MYH4: variants seen among roughly 807,000 people sequenced by gnomAD.
The protein encoded by MYH4 is myosin-4.
MYH4 carries 200 observed loss-of-function variants against 229.9 expected under a neutral mutation model. The observed-to-expected ratio is 0.87, with a 90% CI of 0.78 to 0.98. MYH4 has a LOEUF of 0.98. MYH4 is among the 50% of genes least tolerant of loss of function. MYH4 has a pLI of 0.00. For missense variants in MYH4, 2,148 were observed against 2,332.6 expected (o/e 0.92, Z 1.63); for synonymous variants, 761 against 834.6 (o/e 0.91, Z 1.52).
chr17:10,451,201 AGG>A, intron 28 of MYH4, 123 bp downstream of exon 28: 1 of 1,229,848 alleles, frequency 8.1e-7, no homozygotes, highest in Non-Finnish European at 1.1e-6. Context: ...AAAAAGATGG[AGG>A]AATAAGTAAG....
intron 27 of MYH4, 26 bp downstream of exon 27, chr17:10,451,915 T>A (rs2072577618): frequency 6.4e-7 from 1 of 1,560,842 alleles, no homozygotes; most frequent in Non-Finnish European, 8.6e-7. Context: ...CAAATAAAGA[T>A]GAAAAGGGCA....
intron 11 of MYH4, among the ~76,000 whole-genome samples, chr17:10,462,633 C>T (rs1325375912): frequency 1.3e-5 from 2 of 152,144 alleles, no homozygotes; most frequent in Non-Finnish European, 2.9e-5. Flanking sequence ...AAGGAGCCTA[C>T]TAGCTAAGGA....
At position 10,463,554 on chromosome 17, in the gene MYH4, G is replaced by A; in HGVS notation, c.738C>T (p.Arg246=). 3 of 1,611,146 alleles carry A rather than the reference G, an allele frequency of 1.9e-6. No individual in the cohort carries two copies. The highest frequency in any genetic ancestry group is 2.5e-6 in the Non-Finnish European group (3 of 1,177,288). Residue 246 remains arginine, a synonymous_variant, in exon 8 of 40, where the codon CGC becomes CGT. Transcript: ENST00000255381. ...AAATGAAGATCAAGAGACTTACAAA[G>A]CGAGAGGAGTTGTCATTCCTCACGG... ...AKTVRNDNSS[R]FGKFIRIHFG...
At chr17:10,466,892 G>T in intron 2 of MYH4, 108 bp from the exon 3 acceptor site, 2 of 965,172 alleles carry the variant, frequency 2.1e-6, no homozygotes, top group Non-Finnish European at 3.1e-6. Flanking sequence ...CCTCACCCCT[G>T]CCTTTAGGGA....
Position 10,460,314 on chromosome 17 carries a change from G to C in MYH4, c.1155C>G (p.Asp385Glu). Reference protein sequence around the residue: ...QAEPDGTEVADKAAYLTSLNS... With the variant: ...QAEPDGTEVAEKAAYLTSLNS... Reference sequence around the variant, plus strand: ...TCAGACTTGTCAGATAAGCAGCTTTGTCAGCAACTGTGTGAACAAGGTGAG... The same window carrying C: ...TCAGACTTGTCAGATAAGCAGCTTTCTCAGCAACTGTGTGAACAAGGTGAG... Residue 385 changes from aspartate (D) to glutamate (E), a missense_variant, in exon 13 of 40, where the codon GAC (aspartate) becomes GAG (glutamate). By Grantham distance (45) the Asp-to-Glu change is conservative (BLOSUM62 2). Transcript: ENST00000255381. 1 of 1,601,132 alleles carries C rather than the reference G, an allele frequency of 6.2e-7. No homozygotes were observed. Among genetic ancestry groups the C allele is most frequent in the Non-Finnish European group, 8.6e-7 (1 of 1,169,416 alleles).
At chr17:10,467,617 T>C (rs551620097) in intron 2 of MYH4, among the ~76,000 whole-genome samples, 2 of 152,276 alleles carry the variant, frequency 1.3e-5, no homozygotes, top group South Asian at 4.1e-4. Flanking sequence ...TTGTTTTTAG[T>C]TGGATTTCAA....
chr17:10,464,591 C>A lies in MYH4; in HGVS notation c.534-5G>T, dbSNP rs1256720800. ...TTCCCTGCACCAGATTCTCCACTATCAAGTTCAAACAGAAGAAAAGGTCAG... is the reference window on the plus strand; with the variant it reads ...TTCCCTGCACCAGATTCTCCACTATAAAGTTCAAACAGAAGAAAAGGTCAG... On this transcript the variant is annotated splice_polypyrimidine_tract_variant and splice_region_variant and intron_variant, in intron 6 of 39. Transcript: ENST00000255381. The A allele has an allele frequency of 8.7e-6, 14 of 1,614,040 alleles. No individual in the cohort carries two copies. The highest frequency in any genetic ancestry group is 1.0e-5 in the Non-Finnish European group (12 of 1,179,984).
intron 16 of MYH4, 89 bp downstream of exon 16, chr17:10,457,331 C>G (rs2072651583): frequency 7.0e-7 from 1 of 1,427,288 alleles, no homozygotes. Flanking sequence ...GTTTTTGTGT[C>G]AGGTTTTGCT....
intron 33 of MYH4, 57 bp downstream of exon 33, chr17:10,448,339 G>T: frequency 6.5e-7 from 1 of 1,549,648 alleles, no homozygotes; most frequent in Non-Finnish European, 8.7e-7. Context: ...AGAGATCTCA[G>T]TTGCTATTAA....
intron 12 of MYH4, 65 bp downstream of exon 12, chr17:10,460,851 C>A: frequency 1.3e-6 from 2 of 1,577,876 alleles, no homozygotes; most frequent in Non-Finnish European, 1.7e-6. Flanking sequence ...AAAACACGGT[C>A]CCTGCCTCTG....
intron 34 of MYH4, 103 bp from the exon 35 acceptor site, chr17:10,447,319 A>G: frequency 1.0e-6 from 1 of 971,658 alleles, no homozygotes; most frequent in Non-Finnish European, 1.5e-6. Context: ...GAGTATGATT[A>G]GATAGGAGCA....
intron 13 of MYH4, 32 bp downstream of exon 13, chr17:10,460,171 C>T (rs866542219): frequency 6.2e-7 from 1 of 1,613,178 alleles, no homozygotes; most frequent in Middle Eastern, 1.7e-4. Flanking sequence ...ACTTGCGGTT[C>T]AAATAAATCA....
chr17:10,451,526 C>G, intron 27 of MYH4, 74 bp from the exon 28 acceptor site: 3 of 1,496,020 alleles, frequency 2.0e-6, no homozygotes, highest in Non-Finnish European at 2.7e-6. Flanking sequence ...AGATCTGTAA[C>G]TACCTGTGGA....
intron 2 of MYH4, among the ~76,000 whole-genome samples, chr17:10,468,736 G>A (rs184815533): frequency 6.0e-4 from 91 of 152,276 alleles, no homozygotes; most frequent in African/African-American, 1.7e-3. Flanking sequence ...CAGCCTCCTC[G>A]TTTACTGATG....
rs771480181 is a variant in MYH4, at chr17:10,453,726, A to T, written c.2851T>A (p.Cys951Ser). The T allele has an allele frequency of 7.7e-5, 125 of 1,613,936 alleles. No homozygotes were observed. Among genetic ancestry groups the T allele is most frequent in the Middle Eastern group, 6.6e-4 (4 of 6,084 alleles). ...TAKKRKLEDE[C>S]SELKKDIDDL... ...TCAATGTCTTTCTTGAGCTCTGAAC[A>T]TTCATCCTCCAGTTTCCTCTTCTTG... Residue 951 changes from cysteine to serine, a missense_variant, in exon 23 of 40, where the codon TGT (cysteine) becomes AGT (serine). Physicochemically the swap from Cys to Ser is moderately radical, Grantham distance 112. Transcript: ENST00000255381.
At position 10,453,206 on chromosome 17, in the gene MYH4, GTCC is replaced by G. The variant is rs1567701233; in HGVS notation, c.3054_3056del (p.Glu1018del). On this transcript the variant is annotated inframe_deletion, in exon 24 of 40. Transcript: ENST00000255381. ...TAGCTTTGGTCAGGGTGTTGACTTT[GTCC>G]TCCTCCATCTGCAGGTCATCCAGGG... is the stretch of plus-strand genomic sequence containing the variant. 5 of 1,613,992 alleles carry G rather than the reference GTCC, an allele frequency of 3.1e-6. No individual in the cohort carries two copies. Among genetic ancestry groups the G allele is most frequent in the African/African-American group, 1.3e-5 (1 of 74,970 alleles).
In MYH4 at chr17:10,443,544, A is replaced by G. The variant is rs773799643; in HGVS notation, c.5668-17T>C. 3.8e-6 allele frequency: 6 copies of G among 1,595,532 alleles called. No homozygotes were observed. In the African/African-American group the frequency reaches 4.0e-5, roughly 11 times the overall value. On this transcript the variant is annotated splice_polypyrimidine_tract_variant and intron_variant, in intron 39 of 39. Coordinates refer to ENST00000255381, the MANE Select transcript of MYH4 (RefSeq NM_017533.2). The surrounding 1 kb of genome is among the most constrained non-coding windows in gnomAD (Gnocchi z 4.6). ...TTGTTCCTCCTGAGAACAGAGATGC[A>G]TTTGAGATAACAAGAAAATTGGACA... is the stretch of plus-strand genomic sequence containing the variant.
intron 39 of MYH4, among the ~76,000 whole-genome samples, chr17:10,444,319 G>A (rs2072487069): frequency 1.3e-5 from 2 of 152,290 alleles, no homozygotes; most frequent in Non-Finnish European, 2.9e-5. Context: ...TATGAGTGCT[G>A]GGGGTTGTAG....
At chr17:10,451,500 A>G (rs768950489) in intron 27 of MYH4, 48 bp from the exon 28 acceptor site, 7 of 1,583,332 alleles carry the variant, frequency 4.4e-6, no homozygotes, top group East Asian at 2.2e-5. Flanking sequence ...TTTTTATTCT[A>G]GAGGCTGGGA....
Sources: gnomAD v4.1 joint callset for allele counts (sites outside exome capture counted in the v4.1 genomes callset) on GRCh38, gnomAD v4.1.1 for gene constraint, Gnocchi (gnomAD v3.1) non-coding constraint, MANE v1.5 for transcripts, NCBI Gene and HGNC (gene_info 2026-07-23, HGNC 2026-07-21) for gene names.